Variants in CTNNA3 observed in about 807,000 individuals in gnomAD.
The protein encoded by CTNNA3 is catenin alpha 3.
CTNNA3 carries 76 observed loss-of-function variants against 95.7 expected under a neutral mutation model. The observed-to-expected ratio is 0.79, with a 90% confidence interval of 0.66 to 0.96. CTNNA3 has a LOEUF of 0.96. Among genes scored for constraint, CTNNA3 ranks in the 40% least tolerant of loss-of-function variants. The probability of loss-of-function intolerance (pLI) is 0.00; values close to 1 mark genes in which losing one functional copy is unlikely to be tolerated. For synonymous variants in CTNNA3, 431 were observed against 374.4 expected (o/e 1.15, Z -1.74); for missense variants, 1,191 against 1,089.8 (o/e 1.09, Z -1.31).
At chr10:66,597,531 T>C (rs1238993328) in intron 10 of CTNNA3, among the ~76,000 whole-genome samples, 5 of 125,032 alleles carry the variant, frequency 4.0e-5, no homozygotes, top group Admixed American at 7.6e-5. Context: ...TATATATATA[T>C]ATATATATAT....
intron 8 of CTNNA3, among the ~76,000 whole-genome samples, chr10:66,771,650 T>G (rs772702580): frequency 6.6e-6 from 1 of 152,138 alleles, no homozygotes; most frequent in Non-Finnish European, 1.5e-5. Context: ...AGCTGGGTGA[T>G]GTTTGCTATG....
At chr10:66,635,384 A>C (rs1845299347) in intron 9 of CTNNA3, among the ~76,000 whole-genome samples, 1 of 152,122 alleles carries the variant, frequency 6.6e-6, no homozygotes, top group Non-Finnish European at 1.5e-5. Flanking sequence ...TCATTGTGGA[A>C]AGGGTAGATG....
At chr10:66,592,937 G>A (rs538209949) in intron 10 of CTNNA3, among the ~76,000 whole-genome samples, 4 of 152,082 alleles carry the variant, frequency 2.6e-5, no homozygotes, top group Non-Finnish European at 5.9e-5. Context: ...TAATGGTAAT[G>A]ATAACCGAGT....
rs192495765 is a variant in CTNNA3 at position 67,291,217 on chromosome 10, G to T, written c.580-71347C>A. 2.4e-3 allele frequency among the ~76,000 whole-genome samples: 362 copies of T among 152,260 alleles called. 5 individuals carry two copies. Among genetic ancestry groups the T allele is most frequent in the African/African-American group, 8.2e-3 (339 of 41,536 alleles). ...ACATATGTAAAAGAAAATAATACATGTACAATGCTTGGGACGTGGTGAGCT... is the reference window on the plus strand; with the variant it reads ...ACATATGTAAAAGAAAATAATACATTTACAATGCTTGGGACGTGGTGAGCT... On this transcript the variant is annotated intron_variant, in intron 5 of 17. Transcript: ENST00000433211.
intron 7 of CTNNA3, among the ~76,000 whole-genome samples, chr10:67,077,613 A>G (rs538336542): frequency 1.3e-5 from 2 of 152,198 alleles, no homozygotes; most frequent in Non-Finnish European, 2.9e-5. Flanking sequence ...AAAATCTTCT[A>G]TGATGCAACT....
At chr10:67,044,798 G>T (rs1854624010) in intron 7 of CTNNA3, among the ~76,000 whole-genome samples, 1 of 152,098 alleles carries the variant, frequency 6.6e-6, no homozygotes, top group South Asian at 2.1e-4. Flanking sequence ...AAAGATCATG[G>T]TCTTTGGAGC....
chr10:67,338,273 T>C (rs1228136931), intron 5 of CTNNA3, among the ~76,000 whole-genome samples: 1 of 152,150 alleles, frequency 6.6e-6, no homozygotes, highest in African/African-American at 2.4e-5. Flanking sequence ...GCTTGTCACA[T>C]GGTGACAGCA....
chr10:67,483,538 G>T (rs954899482), intron 5 of CTNNA3, among the ~76,000 whole-genome samples: 46 of 151,318 alleles, frequency 3.0e-4, no homozygotes, highest in African/African-American at 9.5e-4. Context: ...AACACCGCAT[G>T]TTCTCACTCA....
At chr10:67,343,099 C>A (rs184939239) in intron 5 of CTNNA3, among the ~76,000 whole-genome samples, 4 of 152,112 alleles carry the variant, frequency 2.6e-5, no homozygotes, top group Admixed American at 2.6e-4. Context: ...ATTACAGGTG[C>A]ACCACCATAC....
chr10:66,915,723 T>TACAC (rs3056546), intron 7 of CTNNA3, among the ~76,000 whole-genome samples: 1 of 147,324 alleles, frequency 6.8e-6, no homozygotes, highest in African/African-American at 2.5e-5. Flanking sequence ...TATATATATA[T>TACAC]ACACACACAC....
intron 7 of CTNNA3, among the ~76,000 whole-genome samples, chr10:67,008,734 C>T (rs560233426): frequency 1.3e-5 from 2 of 152,258 alleles, no homozygotes; most frequent in South Asian, 2.1e-4. Context: ...CTCCAGTAGG[C>T]TAGCTCAGGC....
At chr10:66,831,168 T>C (rs1211926006) in intron 7 of CTNNA3, among the ~76,000 whole-genome samples, 1 of 152,158 alleles carries the variant, frequency 6.6e-6, no homozygotes, top group Non-Finnish European at 1.5e-5. Flanking sequence ...GTCTCTAATC[T>C]GCAGGAAAAA....
intron 7 of CTNNA3, among the ~76,000 whole-genome samples, chr10:66,986,559 A>G (rs573069144): frequency 6.6e-6 from 1 of 152,316 alleles, no homozygotes; most frequent in East Asian, 1.9e-4. Flanking sequence ...AATACATTGA[A>G]AAAACTAATC....
chr10:66,854,744 T>TA (rs1374939872), intron 7 of CTNNA3, among the ~76,000 whole-genome samples: 1 of 42,686 alleles, frequency 2.3e-5, no homozygotes, highest in African/African-American at 8.7e-5. Flanking sequence ...GAAAATGTCA[T>TA]TTTTTTTTTT....
intron 12 of CTNNA3, 145 bp downstream of exon 12, chr10:66,379,007 C>A: frequency 3.1e-6 from 2 of 652,212 alleles, no homozygotes; most frequent in East Asian, 5.4e-5. Flanking sequence ...TTTCAAATCG[C>A]ATAACCAAAG....
At chr10:66,413,440 T>C (rs922395329) in intron 11 of CTNNA3, among the ~76,000 whole-genome samples, 3 of 152,202 alleles carry the variant, frequency 2.0e-5, no homozygotes, top group Non-Finnish European at 4.4e-5. Flanking sequence ...AGAGAATTAC[T>C]ATATTTTCAA....
At chr10:66,004,148 G>T (rs879807307) in intron 15 of CTNNA3, among the ~76,000 whole-genome samples, 4 of 152,182 alleles carry the variant, frequency 2.6e-5, no homozygotes, top group African/African-American at 4.8e-5. Context: ...ATCATCATAG[G>T]TTTTATGTCA....
intron 13 of CTNNA3, among the ~76,000 whole-genome samples, chr10:66,167,804 G>A (rs1160927171): frequency 6.6e-6 from 1 of 152,142 alleles, no homozygotes; most frequent in Non-Finnish European, 1.5e-5. Flanking sequence ...CTAGACTGCT[G>A]TGCAGTTTGA....
At chr10:66,420,326 T>C (rs1589224325) in intron 11 of CTNNA3, among the ~76,000 whole-genome samples, 1 of 152,146 alleles carries the variant, frequency 6.6e-6, no homozygotes, top group East Asian at 1.9e-4. Context: ...AAAACCACAA[T>C]GAAATATTAT....
Sources: gnomAD v4.1 joint callset for allele counts (sites outside exome capture counted in the v4.1 genomes callset) on GRCh38, gnomAD v4.1.1 for gene constraint, MANE v1.5 for transcripts, NCBI Gene and HGNC (gene_info 2026-07-23, HGNC 2026-07-21) for gene names.